The following PPIP5K2 variants were observed in gnomAD, a reference collection of about 807,000 sequenced individuals.
PPIP5K2 encodes the protein diphosphoinositol pentakisphosphate kinase 2.
PPIP5K2 carries 105 observed loss-of-function variants against 154.6 expected under a neutral mutation model. That is an observed-to-expected ratio of 0.68 (90% CI 0.58 to 0.80). The LOEUF is 0.80. Ranked by LOEUF, PPIP5K2 falls within the 30% of genes least tolerant of loss-of-function variation. PPIP5K2 has a pLI of 0.00. For missense variants in PPIP5K2, 992 were observed against 1,504.6 expected (o/e 0.66, Z 5.64); for synonymous variants, 480 against 490.3 (o/e 0.98, Z 0.28).
At chr5:103,155,278 T>C (rs2149588462) in intron 13 of PPIP5K2, among the ~76,000 whole-genome samples, 1 of 152,054 alleles carries the variant, frequency 6.6e-6, no homozygotes, top group South Asian at 2.1e-4. Flanking sequence ...TCAAGTAAAA[T>C]GGATACCCAC....
At chr5:103,182,790 A>G (rs1799748691) in intron 24 of PPIP5K2, among the ~76,000 whole-genome samples, 2 of 152,182 alleles carry the variant, frequency 1.3e-5, no homozygotes, top group South Asian at 4.1e-4. Context: ...CCTTTGCACA[A>G]TTCTTTAGTG....
chr5:103,173,142 A>G lies in PPIP5K2; in HGVS notation c.2287-13A>G, dbSNP rs1580339893. On this transcript the variant is annotated splice_polypyrimidine_tract_variant and intron_variant, in intron 19 of 30. Transcript: ENST00000358359. ...TTATATCCTTTTTCTAATGTCATGT[A>G]TTTTTTGCTCAGGAATATGGTATAA... 3 of 1,577,230 alleles carry G rather than the reference A, an allele frequency of 1.9e-6. No homozygotes were observed. Among genetic ancestry groups the G allele is most frequent in the East Asian group, 2.3e-5 (1 of 44,012 alleles).
At chr5:103,148,748 T>C (rs1281319717) in intron 7 of PPIP5K2, among the ~76,000 whole-genome samples, 2 of 152,134 alleles carry the variant, frequency 1.3e-5, no homozygotes, top group Non-Finnish European at 2.9e-5. Flanking sequence ...TTTCTTCTCT[T>C]ACCTGCACTC....
In PPIP5K2 at chr5:103,166,563, G is replaced by GTAT. The variant is rs563961134; in HGVS notation, c.1921-615_1921-613dup. 6.1e-4 allele frequency among the ~76,000 whole-genome samples: 93 copies of GTAT among 152,084 alleles called. 1 individual carries two copies. The highest frequency in any genetic ancestry group is 2.2e-3 in the African/African-American group (91 of 41,518). The stretch of plus-strand genomic sequence containing the variant: ...ATTTTAGGAATAGACTAAATGGCTG[G>GTAT]TATCATCGCTTACAAAAGTGTCTTG... On this transcript the variant is annotated intron_variant, in intron 17 of 30. Transcript: ENST00000358359.
At position 103,186,448 on chromosome 5, in the gene PPIP5K2, A is replaced by G. The variant is rs377146405; in HGVS notation, c.3289+9A>G. 3 of 1,613,544 alleles carry G rather than the reference A, an allele frequency of 1.9e-6. No homozygotes were observed. Among genetic ancestry groups the G allele is most frequent in the Admixed American group, 3.3e-5 (2 of 59,968 alleles). Reference sequence around the variant, plus strand: ...TTCTGGCTGCATAGATGGTATGTGCACACATGCACACACAGATTCATACCT... The same window carrying G: ...TTCTGGCTGCATAGATGGTATGTGCGCACATGCACACACAGATTCATACCT... On this transcript the variant is annotated intron_variant, in intron 27 of 30. Coordinates refer to ENST00000358359, the MANE Select transcript of PPIP5K2 (RefSeq NM_001276277.3).
In PPIP5K2 at chr5:103,180,041, T is replaced by G; in HGVS notation, c.2775T>G (p.Phe925Leu). 1 of 1,544,182 alleles carries G rather than the reference T, an allele frequency of 6.5e-7. No individual in the cohort carries two copies. Among genetic ancestry groups the G allele is most frequent in the Non-Finnish European group, 8.7e-7 (1 of 1,147,946 alleles). Residue 925 changes from phenylalanine to leucine, a missense_variant, in exon 24 of 31, where the codon TTT (phenylalanine) becomes TTG (leucine). Around this residue, in one of 9 missense-constraint regions of PPIP5K2, gnomAD observed 204 missense variants for 224.0 expected, o/e 0.91. Transcript: ENST00000358359. Reference sequence around the variant, plus strand: ...CACAGAATGAAGGCAGGAGACCTTTTAAAATTGATAATGATGATGAACCAC... The same window carrying G: ...CACAGAATGAAGGCAGGAGACCTTTGAAAATTGATAATGATGATGAACCAC... ...ASRENEGRRP[F>L]KIDNDDEPHT...
chr5:103,190,812 T>A (rs1801114022), intron 28 of PPIP5K2, 30 bp from the exon 29 acceptor site: 4 of 1,548,440 alleles, frequency 2.6e-6, no homozygotes, highest in Non-Finnish European at 3.5e-6. Context: ...CCATCTTTTA[T>A]TTTTTGTTTT....
intron 28 of PPIP5K2, among the ~76,000 whole-genome samples, chr5:103,189,715 G>A (rs1315300579): frequency 6.6e-6 from 1 of 152,000 alleles, no homozygotes; most frequent in Non-Finnish European, 1.5e-5. Context: ...AGGAAGATTA[G>A]ATTCTCTTTT....
intron 17 of PPIP5K2, among the ~76,000 whole-genome samples, chr5:103,164,189 A>T (rs1554217008): frequency 6.6e-6 from 1 of 151,812 alleles, no homozygotes; most frequent in African/African-American, 2.4e-5. Context: ...ATTTCTTTGT[A>T]ATTTGTGTAG....
intron 3 of PPIP5K2, among the ~76,000 whole-genome samples, chr5:103,134,024 C>T (rs138934509): frequency 6.6e-6 from 1 of 151,998 alleles, no homozygotes; most frequent in Non-Finnish European, 1.5e-5. Flanking sequence ...CCAGTTTTCA[C>T]TATTAAAAAT....
chr5:103,154,730 A>T lies in PPIP5K2; in HGVS notation c.1278A>T (p.Lys426Asn), dbSNP rs1554212476. The T allele has an allele frequency of 6.3e-7, 1 of 1,588,284 alleles. No individual in the cohort carries two copies. Among genetic ancestry groups the T allele is most frequent in the Non-Finnish European group, 8.6e-7 (1 of 1,166,034 alleles). The change falls in exon 12 of 31, where the codon AAA (lysine) becomes AAT (asparagine). Residue 426 changes from lysine to asparagine, a missense_variant. Coordinates refer to ENST00000358359, the MANE Select transcript of PPIP5K2 (RefSeq NM_001276277.3). ...AATCAGGGAAATTAAAACTCAAAAA[A>T]CCAAAACAGTTACAGGCAAGTGTAT... ...GYKSGKLKLK[K>N]PKQLQEVLDI...
intron 14 of PPIP5K2, among the ~76,000 whole-genome samples, chr5:103,157,619 A>G (rs1795616141): frequency 6.6e-6 from 1 of 152,144 alleles, no homozygotes; most frequent in Admixed American, 6.5e-5. Context: ...CTCTACTAAA[A>G]ATACAAAAAT....
At chr5:103,186,820 G>A (rs1208203759) in intron 27 of PPIP5K2, among the ~76,000 whole-genome samples, 1 of 152,110 alleles carries the variant, frequency 6.6e-6, no homozygotes, top group African/African-American at 2.4e-5. Flanking sequence ...ATGTTTATAA[G>A]TAGAGGACAA....
chr5:103,193,703 C>G (rs529355073), intron 29 of PPIP5K2, among the ~76,000 whole-genome samples: 1 of 152,152 alleles, frequency 6.6e-6, no homozygotes, highest in Non-Finnish European at 1.5e-5. Context: ...ACTTTGAGCT[C>G]TTTCAGTTAA....
chr5:103,129,431 A>C lies in PPIP5K2; in HGVS notation c.-159A>C, dbSNP rs1790251929. ...TCTAAGAACAAAAGAGTATTTGCCA[A>C]CAGTCATCATAATATCAAGTGATTG... On this transcript the variant is annotated 5_prime_UTR_variant, in exon 2 of 31. Coordinates refer to ENST00000358359, the MANE Select transcript of PPIP5K2 (RefSeq NM_001276277.3). The C allele has an allele frequency of 2.1e-6, 1 of 465,894 alleles. No individual in the cohort carries two copies. 28.9% of individuals were successfully genotyped at this position (465,894 alleles called of 1,614,324 possible).
chr5:103,141,091 T>C (rs948702292), intron 5 of PPIP5K2, among the ~76,000 whole-genome samples: 49 of 152,122 alleles, frequency 3.2e-4, no homozygotes, highest in African/African-American at 1.2e-3. Flanking sequence ...CCCAACACTT[T>C]GGGAGGCCGA....
chr5:103,180,758 G>A lies in PPIP5K2; in HGVS notation c.2922+570G>A, dbSNP rs548937416. Among the ~76,000 whole-genome samples, 8 of 151,454 alleles carry A rather than the reference G, an allele frequency of 5.3e-5. No homozygotes were observed. In the South Asian group the frequency reaches 1.0e-3, roughly 20 times the overall value. Reference sequence around the variant, plus strand: ...CCAGCTACTCAGGAGGCTGAGGCAGGAGAATGACGTGAATCCAGGAGGCAG... The same window carrying A: ...CCAGCTACTCAGGAGGCTGAGGCAGAAGAATGACGTGAATCCAGGAGGCAG... On this transcript the variant is annotated intron_variant, in intron 24 of 30. Coordinates refer to ENST00000358359, the MANE Select transcript of PPIP5K2 (RefSeq NM_001276277.3).
chr5:103,149,619 T>C (rs1369799238), intron 8 of PPIP5K2, among the ~76,000 whole-genome samples: 2 of 152,184 alleles, frequency 1.3e-5, no homozygotes, highest in Non-Finnish European at 2.9e-5. Context: ...TAAGTGTTAC[T>C]TTCATAGAAT....
intron 21 of PPIP5K2, chr5:103,176,825 A>G: frequency 8.3e-7 from 1 of 1,201,316 alleles, no homozygotes; most frequent in Non-Finnish European, 1.1e-6. Context: ...GTTCTCTAAG[A>G]TCCTTTTCAG....
Sources: gnomAD v4.1 joint callset for allele counts (sites outside exome capture counted in the v4.1 genomes callset) on GRCh38, gnomAD v4.1.1 for gene constraint, gnomAD v4.1.1 regional missense constraint, MANE v1.5 for transcripts, NCBI Gene and HGNC (gene_info 2026-07-23, HGNC 2026-07-21) for gene names.